DLGAP2: variants seen among roughly 807,000 people sequenced by gnomAD.
DLGAP2 encodes the protein DLG associated protein 2.
DLGAP2 carries 26 observed loss-of-function variants against 100.3 expected under a neutral mutation model. The ratio of observed to expected loss-of-function variants is 0.26; its 90% CI spans 0.19 to 0.36. The LOEUF (loss-of-function observed/expected upper bound fraction) is 0.36. Ranked by LOEUF, DLGAP2 falls within the 10% of genes least tolerant of loss-of-function variation. DLGAP2 has a pLI of 1.00. For missense variants in DLGAP2, 1,858 were observed against 1,453.2 expected (o/e 1.28, Z -4.53); for synonymous variants, 886 against 630.1 (o/e 1.41, Z -6.08).
At chr8:893,384 C>T (rs993752259) in intron 1 of DLGAP2, among the ~76,000 whole-genome samples, 3 of 152,210 alleles carry the variant, frequency 2.0e-5, no homozygotes, top group Non-Finnish European at 2.9e-5. Context: ...ATGAGGCTGC[C>T]CTGTGATTCA....
At chr8:808,839 T>C (rs1258409930) in intron 1 of DLGAP2, among the ~76,000 whole-genome samples, 3 of 152,008 alleles carry the variant, frequency 2.0e-5, no homozygotes, top group African/African-American at 7.2e-5. Flanking sequence ...TAGCCAGTAA[T>C]AACCCTTATA....
At chr8:1,353,899 C>A (rs1361035432) in intron 3 of DLGAP2, among the ~76,000 whole-genome samples, 4 of 152,070 alleles carry the variant, frequency 2.6e-5, no homozygotes, top group African/African-American at 9.7e-5. Context: ...GGAAAAAAAT[C>A]AGCGAAGGGG....
chr8:1,004,778 C>T (rs1563139221), intron 2 of DLGAP2, among the ~76,000 whole-genome samples: 1 of 152,208 alleles, frequency 6.6e-6, no homozygotes, highest in African/African-American at 2.4e-5. Flanking sequence ...CTGCGCTCTG[C>T]CCTTGGTGGA....
chr8:775,065 G>A (rs1049022951), intron 1 of DLGAP2, among the ~76,000 whole-genome samples: 123 of 152,126 alleles, frequency 8.1e-4, no homozygotes, highest in Non-Finnish European at 1.0e-3. Flanking sequence ...GGTCCTTCTC[G>A]TCCCTTGTAA....
intron 3 of DLGAP2, among the ~76,000 whole-genome samples, chr8:1,436,489 C>G (rs984223303): frequency 7.9e-5 from 12 of 152,174 alleles, no homozygotes; most frequent in Admixed American, 5.9e-4. Flanking sequence ...CCCACTGACT[C>G]CAGTGTTAAT....
intron 2 of DLGAP2, among the ~76,000 whole-genome samples, chr8:926,407 G>A (rs1286394360): frequency 6.6e-6 from 1 of 152,192 alleles, no homozygotes; most frequent in Non-Finnish European, 1.5e-5. Flanking sequence ...CCTGTGGCAG[G>A]CCCTGCCTCC....
At position 1,180,930 on chromosome 8, in the gene DLGAP2, G is replaced by C. The variant is rs28407257; in HGVS notation, c.74-77921G>C. On this transcript the variant is annotated intron_variant, in intron 2 of 14. Coordinates refer to ENST00000637795, the MANE Select transcript of DLGAP2 (RefSeq NM_001346810.2). ...GAGTGTGGGTGGCTGTGCAAGGGCA[G>C]TACACTTACTGTCGAGTGTGGGTGG... Among the ~76,000 whole-genome samples, 24 of 111,338 alleles carry C rather than the reference G, an allele frequency of 2.2e-4. 2 individuals carry two copies. In the South Asian group the frequency reaches 7.3e-3, roughly 34 times the overall value. 73.0% of individuals were successfully genotyped at this position (111,338 alleles called of 152,430 possible).
intron 1 of DLGAP2, among the ~76,000 whole-genome samples, chr8:750,958 G>C (rs1820774729): frequency 6.6e-6 from 1 of 152,270 alleles, no homozygotes; most frequent in Admixed American, 6.5e-5. Context: ...AGTTGGCTGA[G>C]TTGTGGACGG....
At chr8:757,699 AT>A (rs1341236195) in intron 1 of DLGAP2, among the ~76,000 whole-genome samples, 1 of 152,130 alleles carries the variant, frequency 6.6e-6, no homozygotes, top group Non-Finnish European at 1.5e-5. Flanking sequence ...TGAATTAAAG[AT>A]TGTGTGTCTT....
At chr8:807,930 C>A (rs949432861) in intron 1 of DLGAP2, among the ~76,000 whole-genome samples, 41 of 152,178 alleles carry the variant, frequency 2.7e-4, no homozygotes, top group Non-Finnish European at 5.4e-4. Flanking sequence ...GAGCTAAGAA[C>A]CGGGTCTTGT....
chr8:1,031,553 A>G (rs1410970457), intron 2 of DLGAP2, among the ~76,000 whole-genome samples: 1 of 152,102 alleles, frequency 6.6e-6, no homozygotes, highest in East Asian at 1.9e-4. Flanking sequence ...CTGGGACTAT[A>G]GGGTGCATGT....
intron 3 of DLGAP2, among the ~76,000 whole-genome samples, chr8:1,295,283 C>G (rs2116978398): frequency 6.6e-6 from 1 of 152,326 alleles, no homozygotes; most frequent in South Asian, 2.1e-4. Context: ...GATAGATACA[C>G]ACAGCACATT....
chr8:937,563 G>A (rs1007194836), intron 2 of DLGAP2, among the ~76,000 whole-genome samples: 4 of 152,176 alleles, frequency 2.6e-5, no homozygotes, highest in Non-Finnish European at 4.4e-5. Flanking sequence ...ATCAGAGAGA[G>A]AGCAATCTTT....
chr8:773,656 G>A (rs944203039), intron 1 of DLGAP2, among the ~76,000 whole-genome samples: 3 of 151,734 alleles, frequency 2.0e-5, no homozygotes, highest in African/African-American at 7.3e-5. Context: ...TTTCATCCAT[G>A]TCCCTACAAA....
At position 1,671,289 on chromosome 8, in the gene DLGAP2, G is replaced by A. The variant is rs560885630; in HGVS notation, c.2202+1505G>A. Among the ~76,000 whole-genome samples the A allele has an allele frequency of 2.3e-3, 346 of 152,334 alleles. 1 individual carries two copies. Among genetic ancestry groups the A allele is most frequent in the Middle Eastern group, 0.01 (3 of 294 alleles). On this transcript the variant is annotated intron_variant, in intron 10 of 14. Coordinates refer to ENST00000637795, the MANE Select transcript of DLGAP2 (RefSeq NM_001346810.2). ...TTCTGGGACACAGGGCAGGTGTCAC[G>A]CTGTTCTGCAGCTCATAGACAAAGC...
At chr8:1,489,319 T>C (rs56003275) in intron 3 of DLGAP2, among the ~76,000 whole-genome samples, 2,248 of 152,290 alleles carry the variant, frequency 0.015, 51 homozygotes, top group African/African-American at 0.05. Flanking sequence ...AGAGGCACCA[T>C]GCGTGGATGG....
intron 4 of DLGAP2, among the ~76,000 whole-genome samples, chr8:1,512,463 A>T (rs1800199419): frequency 6.6e-6 from 1 of 151,992 alleles, no homozygotes; most frequent in South Asian, 2.1e-4. Flanking sequence ...TTCCGCACTG[A>T]CCTCGGTGCA....
chr8:811,256 G>A (rs1375391677), intron 1 of DLGAP2, among the ~76,000 whole-genome samples: 1 of 152,268 alleles, frequency 6.6e-6, no homozygotes, highest in Admixed American at 6.5e-5. Context: ...GCTTCTAGGA[G>A]TGTGGATTGC....
intron 2 of DLGAP2, among the ~76,000 whole-genome samples, chr8:1,051,894 C>T (rs1329414299): frequency 1.3e-5 from 2 of 152,272 alleles, no homozygotes; most frequent in South Asian, 4.2e-4. Context: ...TCAATTTCAA[C>T]ATGCCATGGA....
Sources: allele counts gnomAD v4.1 joint callset (sites outside exome capture counted in the v4.1 genomes callset), GRCh38; gene constraint gnomAD v4.1.1; transcripts MANE v1.5; gene names NCBI Gene and HGNC (gene_info 2026-07-23, HGNC 2026-07-21).